Variants in POLA1 observed in about 807,000 individuals in gnomAD.
POLA1 encodes the protein DNA polymerase alpha catalytic subunit.
Under a neutral mutation model 124.0 loss-of-function variants are expected in POLA1, and 15 were observed. That is an observed-to-expected ratio of 0.12 (90% confidence interval 0.08 to 0.19). POLA1 has a LOEUF of 0.19. Among genes scored for constraint, POLA1 ranks in the 10% least tolerant of loss-of-function variants. The pLI is 1.00. For missense variants in POLA1, 886 were observed against 1,103.4 expected (o/e 0.80, Z 2.79); for synonymous variants, 408 against 389.4 (o/e 1.05, Z -0.56).
chrX:24,943,294 C>A, intron 36 of POLA1, among the ~76,000 whole-genome samples: 1 of 111,640 alleles, frequency 9.0e-6, no homozygotes. Flanking sequence ...ACTGACAGAC[C>A]AAACTAGTTT....
chrX:24,927,601 C>T (rs1318059826), intron 35 of POLA1, among the ~76,000 whole-genome samples: 1 of 111,845 alleles, frequency 8.9e-6, no homozygotes, highest in South Asian at 3.7e-4. Flanking sequence ...AAATCACAGT[C>T]GGCCACTTTG....
chrX:24,759,301 G>A (rs1179848540), intron 26 of POLA1, among the ~76,000 whole-genome samples: 1 of 111,987 alleles, frequency 8.9e-6, no homozygotes. Flanking sequence ...TAAAAATTTT[G>A]TATTAACACA....
At chrX:24,862,364 T>TG (rs1457741129) in intron 34 of POLA1, among the ~76,000 whole-genome samples, 4 of 111,642 alleles carry the variant, frequency 3.6e-5, no homozygotes, top group African/African-American at 1.3e-4. Flanking sequence ...TCTAGAAACG[T>TG]GGGGAAAAAG....
At chrX:24,874,642 T>G (rs1284335300) in intron 34 of POLA1, among the ~76,000 whole-genome samples, 1 of 112,078 alleles carries the variant, frequency 8.9e-6, no homozygotes, top group Admixed American at 9.5e-5. Context: ...TAGCTGCACA[T>G]TAGAATCACT....
intron 1 of POLA1, among the ~76,000 whole-genome samples, chrX:24,697,403 C>T (rs943210248): frequency 8.9e-6 from 1 of 111,841 alleles, no homozygotes. Context: ...GGCCTGTTCA[C>T]GATTTTTGAA....
chrX:24,855,849 G>A (rs1351729730), intron 34 of POLA1, among the ~76,000 whole-genome samples: 1 of 111,317 alleles, frequency 9.0e-6, no homozygotes, highest in Non-Finnish European at 1.9e-5. Flanking sequence ...GGAAAAGCCA[G>A]CTCACCATAT....
intron 35 of POLA1, among the ~76,000 whole-genome samples, chrX:24,925,700 T>C (rs1397721956): frequency 1.8e-5 from 2 of 112,053 alleles, no homozygotes. Context: ...TAATATGTGC[T>C]TCAAAGACAT....
In POLA1 at chrX:24,741,874, A is replaced by T. The variant is rs71541519; in HGVS notation, c.2347-128A>T. The T allele has an allele frequency of 7.9e-3, 2,902 of 366,217 alleles. 13 individuals are homozygous for T. Among genetic ancestry groups the T allele is most frequent in the African/African-American group, 0.023 (844 of 36,458 alleles). The allele number at this position is 366,217 out of a possible 1,213,427, so 30.2% of individuals were successfully genotyped here. Reference sequence around the variant, plus strand: ...ATAATTTAGTACCTTTTTTTTTTTTAAAAAAAAAGCAGACCGTTATTAGGA... The same window carrying T: ...ATAATTTAGTACCTTTTTTTTTTTTTAAAAAAAAGCAGACCGTTATTAGGA... On this transcript the variant is annotated intron_variant, in intron 21 of 36. Coordinates refer to ENST00000379068, the MANE Select transcript of POLA1 (RefSeq NM_001330360.2).
chrX:24,779,904 T>C (rs2045224564), intron 26 of POLA1, among the ~76,000 whole-genome samples: 2 of 112,160 alleles, frequency 1.8e-5, no homozygotes, highest in South Asian at 7.5e-4. Flanking sequence ...TTGTAACATA[T>C]ATAATTGCCA....
At chrX:24,733,214 C>G (rs911541056) in intron 16 of POLA1, among the ~76,000 whole-genome samples, 8 of 111,764 alleles carry the variant, frequency 7.2e-5, no homozygotes, top group Non-Finnish European at 1.5e-4. Flanking sequence ...AAGTTTTCCC[C>G]CTTAAGTGGG....
At chrX:24,742,678 A>G (rs1266423674) in intron 22 of POLA1, among the ~76,000 whole-genome samples, 1 of 112,034 alleles carries the variant, frequency 8.9e-6, no homozygotes, top group African/African-American at 3.2e-5. Context: ...AATGTACATT[A>G]TCAAAATTGG....
At position 24,742,168 on chromosome X, in the gene POLA1, C is replaced by A. The variant is rs199746441; in HGVS notation, c.2466+47C>A. Reference sequence around the variant, plus strand: ...ATTTTGTTTTCTCTTAACCCCCCCCCCCCTTTTAATACCTAGATAGCCTTT... The same window carrying A: ...ATTTTGTTTTCTCTTAACCCCCCCCACCCTTTTAATACCTAGATAGCCTTT... On this transcript the variant is annotated intron_variant, in intron 22 of 36. Transcript: ENST00000379068. 7.1e-5 allele frequency: 61 copies of A among 863,511 alleles called. 1 individual carries two copies. The East Asian group carries it at 2.5e-3, about 35-fold the overall frequency. The allele number at this position is 863,511 out of a possible 1,213,427, so 71.2% of individuals were successfully genotyped here. A position where few individuals can be genotyped will look rare whatever the true frequency, so the allele number is the denominator to read the frequency against.
intron 16 of POLA1, 135 bp downstream of exon 16, chrX:24,732,589 G>GTTTTT (rs1197349636): frequency 3.1e-4 from 36 of 116,592 alleles, no homozygotes; most frequent in African/African-American, 1.5e-3. Context: ...AGAGGGTTTT[G>GTTTTT]TTTTTTTTTG....
At chrX:24,910,462 T>G (rs2047433752) in intron 35 of POLA1, among the ~76,000 whole-genome samples, 1 of 111,563 alleles carries the variant, frequency 9.0e-6, no homozygotes, top group Non-Finnish European at 1.9e-5. Flanking sequence ...CGTTGTTGAA[T>G]TTTGTCAAAG....
chrX:24,731,998 A>G (rs1053886655), intron 15 of POLA1, among the ~76,000 whole-genome samples: 1 of 112,077 alleles, frequency 8.9e-6, no homozygotes, highest in East Asian at 2.8e-4. Context: ...TCTGTCACCC[A>G]TGCTGGAGCG....
rs1195656884 is a variant in POLA1 at position 24,794,863 on chromosome X, A to ATT, written c.2965-15025_2965-15024dup. Among the ~76,000 whole-genome samples the ATT allele has an allele frequency of 5.7e-5, 6 of 105,032 alleles. No homozygotes were observed. In the East Asian group the frequency reaches 1.8e-3, roughly 31 times the overall value. The allele number at this position is 105,032 out of a possible 115,157, so 91.2% of individuals were successfully genotyped here. On this transcript the variant is annotated intron_variant, in intron 26 of 36. Transcript: ENST00000379068. ...TCTCAAAAGGGTGTCTTCGGCTTGC[A>ATT]TTTTTTTTTTTAAAAGTGTTTATCT... is the stretch of plus-strand genomic sequence containing the variant.
At chrX:24,985,170 C>T (rs1363314199) in intron 36 of POLA1, among the ~76,000 whole-genome samples, 1 of 112,167 alleles carries the variant, frequency 8.9e-6, no homozygotes, top group Non-Finnish European at 1.9e-5. Flanking sequence ...ATTTTTTGAA[C>T]CCTCTATACC....
chrX:24,927,797 A>G (rs1468572303), intron 35 of POLA1, among the ~76,000 whole-genome samples: 4 of 112,453 alleles, frequency 3.6e-5, no homozygotes, highest in African/African-American at 1.3e-4. Flanking sequence ...TGTACAGTCA[A>G]AATGAGCATT....
chrX:24,977,363 C>G (rs148576718), intron 36 of POLA1, among the ~76,000 whole-genome samples: 109 of 112,852 alleles, frequency 9.7e-4, no homozygotes, highest in African/African-American at 3.3e-3. Flanking sequence ...CATTGTTCTA[C>G]TGTCATCTTT....
Sources: allele counts gnomAD v4.1 joint callset (sites outside exome capture counted in the v4.1 genomes callset), GRCh38; gene constraint gnomAD v4.1.1; transcripts MANE v1.5; gene names NCBI Gene and HGNC (gene_info 2026-07-23, HGNC 2026-07-21).